SGCZ: variants seen among roughly 807,000 people sequenced by gnomAD.
SGCZ encodes the protein sarcoglycan zeta, also known as zeta-sarcoglycan.
SGCZ carries 40 observed loss-of-function variants against 41.3 expected under a neutral mutation model. That is an observed-to-expected ratio of 0.97 (90% CI 0.75 to 1.26). The LOEUF (loss-of-function observed/expected upper bound fraction) is 1.26, where lower values mean the gene tolerates loss of function less well. Ranked by LOEUF, SGCZ falls within the 50% of genes most tolerant of loss-of-function variation. The pLI, the probability that SGCZ is intolerant of heterozygous loss-of-function variation, is 0.00. For missense variants in SGCZ, 552 were observed against 369.8 expected (o/e 1.49, Z -4.04); for synonymous variants, 206 against 137.5 (o/e 1.50, Z -3.49).
intron 1 of SGCZ, among the ~76,000 whole-genome samples, chr8:14,991,814 T>C: frequency 6.6e-6 from 1 of 150,886 alleles, no homozygotes; most frequent in Non-Finnish European, 1.5e-5. Context: ...TGTTTACCTC[T>C]CACCCATCGT....
At chr8:14,136,535 GC>G (rs1434238091) in intron 5 of SGCZ, among the ~76,000 whole-genome samples, 2 of 152,176 alleles carry the variant, frequency 1.3e-5, no homozygotes, top group Non-Finnish European at 2.9e-5. Flanking sequence ...CACCCAAAGA[GC>G]CTTGCTCACT....
chr8:14,374,913 A>G (rs1301583559), intron 2 of SGCZ, among the ~76,000 whole-genome samples: 1 of 152,216 alleles, frequency 6.6e-6, no homozygotes. Context: ...AGAGGGAGAT[A>G]GCAGCAAAGT....
intron 2 of SGCZ, among the ~76,000 whole-genome samples, chr8:14,485,759 C>T (rs1801653651): frequency 6.6e-6 from 1 of 152,014 alleles, no homozygotes; most frequent in African/African-American, 2.4e-5. Context: ...TGCAACACAG[C>T]CAGCACTTTC....
chr8:14,643,912 T>C (rs1271543445), intron 1 of SGCZ, among the ~76,000 whole-genome samples: 1 of 151,736 alleles, frequency 6.6e-6, no homozygotes, highest in Non-Finnish European at 1.5e-5. Flanking sequence ...AACTGCAATG[T>C]ATAAATTAAA....
At chr8:14,549,823 T>C (rs898901871) in intron 2 of SGCZ, among the ~76,000 whole-genome samples, 2 of 151,872 alleles carry the variant, frequency 1.3e-5, no homozygotes, top group African/African-American at 2.4e-5. Context: ...AACAAGTAAA[T>C]AAGGAAGATT....
intron 1 of SGCZ, among the ~76,000 whole-genome samples, chr8:14,761,531 A>C (rs867061076): frequency 7.2e-6 from 1 of 139,536 alleles, no homozygotes; most frequent in Non-Finnish European, 1.5e-5. Flanking sequence ...TTATTTATTT[A>C]TTTATTTATT....
At chr8:14,517,097 T>C (rs1802645202) in intron 2 of SGCZ, among the ~76,000 whole-genome samples, 1 of 152,040 alleles carries the variant, frequency 6.6e-6, no homozygotes, top group Non-Finnish European at 1.5e-5. Context: ...AACAGATTTC[T>C]TGTACAAAAC....
intron 2 of SGCZ, among the ~76,000 whole-genome samples, chr8:14,482,119 T>G (rs890631753): frequency 6.6e-6 from 1 of 152,124 alleles, no homozygotes; most frequent in Non-Finnish European, 1.5e-5. Context: ...AAAATCAACA[T>G]AGTTTTCCCC....
chr8:14,116,631 T>C (rs1802531948), intron 5 of SGCZ, among the ~76,000 whole-genome samples: 1 of 152,136 alleles, frequency 6.6e-6, no homozygotes, highest in Admixed American at 6.6e-5. Flanking sequence ...TTCATCTTTT[T>C]TGTTTCTGTG....
At chr8:14,490,286 C>T (rs1367648556) in intron 2 of SGCZ, among the ~76,000 whole-genome samples, 1 of 152,174 alleles carries the variant, frequency 6.6e-6, no homozygotes, top group Non-Finnish European at 1.5e-5. Flanking sequence ...CTTTCTCCTG[C>T]TTCTTGCTCA....
At chr8:14,406,286 T>C (rs143835538) in intron 2 of SGCZ, among the ~76,000 whole-genome samples, 224 of 152,260 alleles carry the variant, frequency 1.5e-3, no homozygotes, top group African/African-American at 5.3e-3. Context: ...TCAATCTGAA[T>C]TGAATCCCCA....
At chr8:14,553,084 G>T (rs1180282221) in intron 2 of SGCZ, among the ~76,000 whole-genome samples, 2 of 151,976 alleles carry the variant, frequency 1.3e-5, no homozygotes, top group Non-Finnish European at 2.9e-5. Flanking sequence ...TTTAAAGCAG[G>T]ACAAAAGAAT....
chr8:14,347,467 G>C (rs959992866), intron 2 of SGCZ, among the ~76,000 whole-genome samples: 1 of 151,958 alleles, frequency 6.6e-6, no homozygotes, highest in African/African-American at 2.4e-5. Context: ...TCAGGAAATT[G>C]TGTGACTTTT....
chr8:15,116,734 A>G (rs1807284001), intron 1 of SGCZ, among the ~76,000 whole-genome samples: 1 of 152,194 alleles, frequency 6.6e-6, no homozygotes, highest in South Asian at 2.1e-4. Context: ...CTATGCCACA[A>G]AATGTTTTTG....
In SGCZ at chr8:14,799,488, T is replaced by C. The variant is rs78364559; in HGVS notation, c.40-244562A>G. Among the ~76,000 whole-genome samples the C allele has an allele frequency of 3.1e-3, 471 of 152,160 alleles. 4 individuals are homozygous for C. The highest frequency in any genetic ancestry group is 0.011 in the African/African-American group (446 of 41,524). On this transcript the variant is annotated intron_variant, in intron 1 of 7. Coordinates refer to ENST00000382080, the MANE Select transcript of SGCZ (RefSeq NM_139167.4). ...GACCTCTGGTGAAAGAAAGATCCAG[T>C]ATTAACCAGTCTAACCCTGGCATGG...
At chr8:14,393,287 C>A (rs1331230226) in intron 2 of SGCZ, among the ~76,000 whole-genome samples, 1 of 152,074 alleles carries the variant, frequency 6.6e-6, no homozygotes, top group African/African-American at 2.4e-5. Context: ...CAAAAAGCAG[C>A]CTGTGAAGTC....
rs115676002 is a variant in SGCZ at position 14,589,898 on chromosome 8, A to G, written c.40-34972T>C. On this transcript the variant is annotated intron_variant, in intron 1 of 7. Coordinates refer to ENST00000382080, the MANE Select transcript of SGCZ (RefSeq NM_139167.4). Reference sequence around the variant, plus strand: ...ATATGGCACTGACAGAATTTGAAACAAACTTCTTAGTCCAGGTTTCTTTAT... The same window carrying G: ...ATATGGCACTGACAGAATTTGAAACGAACTTCTTAGTCCAGGTTTCTTTAT... Among the ~76,000 whole-genome samples the G allele has an allele frequency of 7.5e-3, 1,143 of 152,300 alleles. 16 individuals carry two copies. The highest frequency in any genetic ancestry group is 0.026 in the African/African-American group (1,087 of 41,564).
chr8:14,308,200 C>A (rs1380463612), intron 3 of SGCZ, among the ~76,000 whole-genome samples: 1 of 151,904 alleles, frequency 6.6e-6, no homozygotes, highest in African/African-American at 2.4e-5. Flanking sequence ...GAGATTATAC[C>A]TAAATCTTTC....
chr8:14,702,829 A>G lies in SGCZ; in HGVS notation c.40-147903T>C, dbSNP rs932449669. ...GGTAGTTAGGTAGATAGATAGATAG[A>G]TAGATAGATAGATAGATAGATAGAT... On this transcript the variant is annotated intron_variant, in intron 1 of 7. Transcript: ENST00000382080. Among the ~76,000 whole-genome samples the G allele has an allele frequency of 9.7e-5, 5 of 51,372 alleles. No individual in the cohort carries two copies. The South Asian group carries it at 3.8e-3, about 39-fold the overall frequency. The allele number at this position is 51,372 out of a possible 152,430, so 33.7% of individuals were successfully genotyped here.
Sources: allele counts gnomAD v4.1 joint callset (sites outside exome capture counted in the v4.1 genomes callset), GRCh38; gene constraint gnomAD v4.1.1; transcripts MANE v1.5; gene names NCBI Gene and HGNC (gene_info 2026-07-23, HGNC 2026-07-21).